Variants in RNF19A observed in about 807,000 individuals in gnomAD.
RNF19A encodes E3 ubiquitin-protein ligase RNF19A.
In RNF19A, 32 loss-of-function variants were observed where a neutral mutation model predicts 75.7. The ratio of observed to expected loss-of-function variants is 0.42; its 90% CI spans 0.32 to 0.57. The LOEUF (loss-of-function observed/expected upper bound fraction) is 0.57, where lower values mean the gene tolerates loss of function less well. Among genes scored for constraint, RNF19A ranks in the 20% least tolerant of loss-of-function variants. RNF19A has a pLI of 0.10. For synonymous variants in RNF19A, 335 were observed against 345.2 expected (o/e 0.97, Z 0.33); for missense variants, 782 against 1,036.3 (o/e 0.75, Z 3.37).
intron 1 of RNF19A, among the ~76,000 whole-genome samples, chr8:100,290,152 T>C (rs1029379442): frequency 2.0e-5 from 3 of 152,220 alleles, no homozygotes; most frequent in Non-Finnish European, 2.9e-5. Context: ...TCTGTGTCTG[T>C]TGCCCAGGCT....
Position 100,259,089 on chromosome 8 carries a change from T to A in RNF19A, c.1984A>T (p.Lys662Ter). 6.2e-7 allele frequency: 1 copy of A among 1,614,194 alleles called. No homozygotes were observed. The highest frequency in any genetic ancestry group is 8.5e-7 in the Non-Finnish European group (1 of 1,180,038). ...CCTGCTGTTGCTTCTTTGGACCACT[T>A]GGTGGCACTAGATTTACCTTCAGGC... ...GLPEGKSSAT[K>*]WSKEATAGKK... The change falls in exon 10 of 10, where the codon AAG (lysine) becomes TAG (stop). Residue 662 changes from lysine (K) to a stop codon, truncating the protein, a stop_gained. Transcript: ENST00000341084. LOFTEE classifies it high-confidence loss of function. The surrounding 1 kb of genome is among the most constrained non-coding windows in gnomAD (Gnocchi z 4.5).
upstream of RNF19A, among the ~76,000 whole-genome samples, chr8:100,310,596 C>T (rs919150485): frequency 6.6e-6 from 1 of 152,238 alleles, no homozygotes; most frequent in Non-Finnish European, 1.5e-5. Context: ...TTGCAGCTCT[C>T]GGCGAGGAAA....
At position 100,268,928 on chromosome 8, in the gene RNF19A, A is replaced by C; in HGVS notation, c.1048T>G (p.Trp350Gly). 2 of 1,590,262 alleles carry C rather than the reference A, an allele frequency of 1.3e-6. No individual in the cohort carries two copies. The highest frequency in any genetic ancestry group is 1.1e-5 in the South Asian group (1 of 88,162). ...TTTCGGCTCCAGGGTTTCTTCCCCCAAAAAGTACATCCTGATGGACTAACG... is the reference window on the plus strand; with the variant it reads ...TTTCGGCTCCAGGGTTTCTTCCCCCCAAAAGTACATCCTGATGGACTAACG... ...HYLSPSGCTF[W>G]GKKPWSRKKK... The change falls in exon 5 of 10, where the codon TGG (tryptophan) becomes GGG (glycine). Residue 350 changes from tryptophan (W) to glycine (G), a missense_variant. By Grantham distance (184) the Trp-to-Gly change is radical. Coordinates refer to ENST00000341084, the MANE Select transcript of RNF19A (RefSeq NM_183419.4).
At chr8:100,290,119 T>A (rs1216108727) in intron 1 of RNF19A, among the ~76,000 whole-genome samples, 1 of 152,028 alleles carries the variant, frequency 6.6e-6, no homozygotes, top group East Asian at 1.9e-4. Flanking sequence ...AAAGGGAACT[T>A]TTTTTGTTTT....
At chr8:100,316,143 G>A (rs746154124) in intron 1 of RNF19A, among the ~76,000 whole-genome samples, 18 of 152,100 alleles carry the variant, frequency 1.2e-4, no homozygotes, top group Non-Finnish European at 1.5e-4. Context: ...AGACCTTCGC[G>A]GTGAGTGTTA....
At position 100,275,089 on chromosome 8, in the gene RNF19A, C is replaced by T. The variant is rs1201285639; in HGVS notation, c.747G>A (p.Glu249=). 2 of 1,614,170 alleles carry T rather than the reference C, an allele frequency of 1.2e-6. No homozygotes were observed. The highest frequency in any genetic ancestry group is 1.7e-6 in the Non-Finnish European group (2 of 1,180,026). Residue 249 remains glutamate (E), a synonymous_variant, in exon 3 of 10, where the codon GAG becomes GAA. Transcript: ENST00000341084. The surrounding 1 kb of genome is among the most constrained non-coding windows in gnomAD (Gnocchi z 4.3). ...LTCGREGCGT[E]FCYHCKQIWH... Reference sequence around the variant, plus strand: ...AAATCTGTTTACAGTGGTAGCAAAACTCTGTTCCACAGCCCTCTCGCCCAC... The same window carrying T: ...AAATCTGTTTACAGTGGTAGCAAAATTCTGTTCCACAGCCCTCTCGCCCAC...
Position 100,287,927 on chromosome 8 carries a change from T to A in RNF19A, c.248A>T (p.Glu83Val). ...RKKDNKRKSR[E>V]LNGGVDGIAS... Reference sequence around the variant, plus strand: ...AATTCCATCCACCCCGCCATTTAGCTCCCTTGATTTACGTTTGTTATCTTT... The same window carrying A: ...AATTCCATCCACCCCGCCATTTAGCACCCTTGATTTACGTTTGTTATCTTT... The change falls in exon 2 of 10, where the codon GAG becomes GTG. Residue 83 changes from glutamate to valine, a missense_variant. Glu to Val is a moderately radical substitution (Grantham distance 121). Transcript: ENST00000341084. This position sits in a 1 kb window ranked among gnomAD's most constrained non-coding sequence, Gnocchi z 4.1. 1.2e-6 allele frequency: 2 copies of A among 1,614,184 alleles called. No individual in the cohort carries two copies. Among genetic ancestry groups the A allele is most frequent in the Non-Finnish European group, 1.7e-6 (2 of 1,180,034 alleles).
At position 100,317,311 on chromosome 8, in the gene RNF19A, C is replaced by T. The variant is rs1822398953; in HGVS notation, c.-242-3939G>A. ...AGGCAGAGGAGGTGCCGAGAGCAAGCGAGGGCTCTGAGGACTGCCAGCACG... is the reference window on the plus strand; with the variant it reads ...AGGCAGAGGAGGTGCCGAGAGCAAGTGAGGGCTCTGAGGACTGCCAGCACG... On this transcript the variant is annotated intron_variant, in intron 1 of 3. Transcript: ENST00000519527. This position sits in a 1 kb window ranked among gnomAD's most constrained non-coding sequence, Gnocchi z 4.3. Among the ~76,000 whole-genome samples, 1 of 152,208 alleles carries T rather than the reference C, an allele frequency of 6.6e-6. No homozygotes were observed. The highest frequency in any genetic ancestry group is 2.1e-4 in the South Asian group (1 of 4,830).
intron 1 of RNF19A, among the ~76,000 whole-genome samples, chr8:100,293,393 T>C (rs1765256778): frequency 1.3e-5 from 2 of 152,272 alleles, no homozygotes; most frequent in Admixed American, 1.3e-4. Context: ...CAGGTTGATA[T>C]CTTTATCCTT....
intron 1 of RNF19A, among the ~76,000 whole-genome samples, chr8:100,315,649 CTTG>C (rs573063443): frequency 3.9e-5 from 6 of 151,926 alleles, no homozygotes; most frequent in Non-Finnish European, 7.4e-5. Flanking sequence ...TCTTCGTCGT[CTTG>C]TTGTTGTTGT....
At position 100,260,169 on chromosome 8, in the gene RNF19A, C is replaced by T; in HGVS notation, c.1683-172G>A. The T allele has an allele frequency of 3.7e-6, 2 of 547,670 alleles. No individual in the cohort carries two copies. Among genetic ancestry groups the T allele is most frequent in the Non-Finnish European group, 6.2e-6 (2 of 321,524 alleles). 33.9% of individuals were successfully genotyped at this position (547,670 alleles called of 1,614,324 possible). On this transcript the variant is annotated intron_variant, in intron 8 of 9. Transcript: ENST00000341084. The surrounding 1 kb of genome is among the most constrained non-coding windows in gnomAD (Gnocchi z 4.1). ...TTCTACTGCAGCACACTGCATAGTACCAGCCATCCAAATAAAATGGGGAAC... is the reference window on the plus strand; with the variant it reads ...TTCTACTGCAGCACACTGCATAGTATCAGCCATCCAAATAAAATGGGGAAC...
intron 2 of RNF19A, among the ~76,000 whole-genome samples, chr8:100,276,328 T>C (rs1351086968): frequency 6.6e-6 from 1 of 152,148 alleles, no homozygotes; most frequent in African/African-American, 2.4e-5. Flanking sequence ...AAAAAGTCAA[T>C]CTCAAAATGT....
intron 1 of RNF19A, among the ~76,000 whole-genome samples, chr8:100,321,118 T>C (rs1294573366): frequency 1.3e-5 from 2 of 152,182 alleles, no homozygotes; most frequent in Non-Finnish European, 2.9e-5. Flanking sequence ...TAAAATAAGA[T>C]AACAATGAAG....
In RNF19A at chr8:100,332,800, C is replaced by A. The variant is rs906397485; in HGVS notation, c.-243+3308G>T. 6.6e-6 allele frequency among the ~76,000 whole-genome samples: 1 copy of A among 152,136 alleles called. No homozygotes were observed. Among genetic ancestry groups the A allele is most frequent in the African/African-American group, 2.4e-5 (1 of 41,446 alleles). On this transcript the variant is annotated intron_variant, in intron 1 of 3. Coordinates refer to the RNF19A transcript ENST00000519527. The surrounding 1 kb of genome is among the most constrained non-coding windows in gnomAD (Gnocchi z 4.8). ...CCATTTGTATTTCCTTTTCTAGAACCATTTGTTCATGTCCTTTGCCCATTT... is the reference window on the plus strand; with the variant it reads ...CCATTTGTATTTCCTTTTCTAGAACAATTTGTTCATGTCCTTTGCCCATTT...
At position 100,258,401 on chromosome 8, in the gene RNF19A, G is replaced by A. The variant is rs968589157; in HGVS notation, c.*155C>T. 3.3e-6 allele frequency: 2 copies of A among 597,312 alleles called. No homozygotes were observed. Among genetic ancestry groups the A allele is most frequent in the African/African-American group, 3.7e-5 (2 of 53,480 alleles). 37.0% of individuals were successfully genotyped at this position (597,312 alleles called of 1,614,324 possible). On this transcript the variant is annotated 3_prime_UTR_variant, in exon 10 of 10. Transcript: ENST00000341084. The surrounding 1 kb of genome is among the most constrained non-coding windows in gnomAD (Gnocchi z 4.3). ...ATAGTTTGGTAACTAAGATCCACAT[G>A]ACACACAATGCCTTGCTGAACACAG...
chr8:100,298,616 A>C (rs1009842118), intron 1 of RNF19A, among the ~76,000 whole-genome samples: 5 of 152,160 alleles, frequency 3.3e-5, no homozygotes, highest in African/African-American at 1.2e-4. Context: ...TAAGCCACAA[A>C]GCCTCCCAAA....
At chr8:100,310,080 G>A, upstream of RNF19A, 1 of 985,512 alleles carries the variant, frequency 1.0e-6, no homozygotes, top group Non-Finnish European at 1.2e-6. Context: ...CTGCTCCCGG[G>A]AACCAGCGCC....
chr8:100,309,276 G>T, intron 1 of RNF19A: 1 of 979,518 alleles, frequency 1.0e-6, no homozygotes, highest in African/African-American at 1.7e-5. Context: ...TTTGAAGGAG[G>T]TGGTAGCAGT....
At chr8:100,335,200 A>G (rs978213620) in intron 1 of RNF19A, among the ~76,000 whole-genome samples, 1 of 152,212 alleles carries the variant, frequency 6.6e-6, no homozygotes, top group African/African-American at 2.4e-5. Flanking sequence ...GAACAACAAA[A>G]CAACAACAAC....
Sources: gnomAD v4.1 joint callset for allele counts (sites outside exome capture counted in the v4.1 genomes callset) on GRCh38, gnomAD v4.1.1 for gene constraint, Gnocchi (gnomAD v3.1) non-coding constraint, MANE v1.5 for transcripts, NCBI Gene and HGNC (gene_info 2026-07-23, HGNC 2026-07-21) for gene names.